ZNG1E: variants seen among roughly 807,000 people sequenced by gnomAD.
ZNG1E encodes the protein Zn regulated GTPase metalloprotein activator 1E, also known as zinc-regulated GTPase metalloprotein activator 1E.
At chr9:65,689,926 TA>T in the ZNG1E span, among the ~76,000 whole-genome samples, 2 of 139,740 alleles carry the variant, frequency 1.4e-5, no homozygotes, top group African/African-American at 2.6e-5. Flanking sequence ...CATGGTAAAG[TA>T]ATTTCCTTGA....
chr9:65,714,427 G>A, the ZNG1E span, among the ~76,000 whole-genome samples: 2 of 116,000 alleles, frequency 1.7e-5, no homozygotes, highest in African/African-American at 3.2e-5. Context: ...AGGAGGAGAG[G>A]CGCTGCGTTC....
the ZNG1E span, among the ~76,000 whole-genome samples, chr9:65,717,660 C>G: frequency 1.3e-5 from 2 of 149,308 alleles, no homozygotes; most frequent in African/African-American, 2.6e-5. Flanking sequence ...ACAAATGAAA[C>G]AATGCTGCAT....
At chr9:65,690,993 G>A in the ZNG1E span, 2 of 1,604,392 alleles carry the variant, frequency 1.2e-6, no homozygotes. Flanking sequence ...GTTTTGGGTT[G>A]ATGCTGAATT....
At chr9:65,709,489 C>T in the ZNG1E span, among the ~76,000 whole-genome samples, 1 of 120,122 alleles carries the variant, frequency 8.3e-6, no homozygotes, top group Non-Finnish European at 1.6e-5. Context: ...TCTCCCAATG[C>T]TATCCCTCCC....
the ZNG1E span, among the ~76,000 whole-genome samples, chr9:65,714,753 G>A: frequency 2.7e-3 from 411 of 151,202 alleles, 2 homozygotes; most frequent in East Asian, 0.018. Context: ...CAGTCTGCCC[G>A]TTCTCAGATC....
At chr9:65,659,467 C>T in the ZNG1E span, among the ~76,000 whole-genome samples, 1 of 148,670 alleles carries the variant, frequency 6.7e-6, no homozygotes. Context: ...TGCACTCCAT[C>T]CTGGGTGACA....
At chr9:65,660,543 A>G in the ZNG1E span, among the ~76,000 whole-genome samples, 3 of 152,266 alleles carry the variant, frequency 2.0e-5, no homozygotes, top group Non-Finnish European at 4.4e-5. Flanking sequence ...TGTATTCGGT[A>G]TTTATGTGTT....
At chr9:65,707,524 G>A in the ZNG1E span, 1 of 47,834 alleles carries the variant, frequency 2.1e-5, no homozygotes, top group Admixed American at 2.8e-4. Flanking sequence ...GGAGTAATAA[G>A]ATGGGAATTT....
At chr9:65,720,844 GAGC>G in the ZNG1E span, among the ~76,000 whole-genome samples, 1 of 147,306 alleles carries the variant, frequency 6.8e-6, no homozygotes, top group Non-Finnish European at 1.5e-5. Context: ...TCATATTTAT[GAGC>G]AGGTTTGCTA....
At chr9:65,664,330 C>T in the ZNG1E span, among the ~76,000 whole-genome samples, 6 of 149,102 alleles carry the variant, frequency 4.0e-5, no homozygotes, top group South Asian at 2.2e-4. Context: ...TGGGGGGACC[C>T]GGTGGGAGGT....
the ZNG1E span, among the ~76,000 whole-genome samples, chr9:65,661,759 A>C: frequency 6.6e-6 from 1 of 152,222 alleles, no homozygotes; most frequent in African/African-American, 2.4e-5. Context: ...GCCTAAGCTA[A>C]AGAGATTAAT....
chr9:65,668,559 C>A, the ZNG1E span, among the ~76,000 whole-genome samples: 1 of 149,694 alleles, frequency 6.7e-6, no homozygotes, highest in Non-Finnish European at 1.5e-5. Flanking sequence ...GAAACAAGGT[C>A]TTTCTCTCTC....
the ZNG1E span, chr9:65,719,965 T>C: frequency 1.3e-6 from 2 of 1,567,678 alleles, no homozygotes; most frequent in African/African-American, 2.9e-5. Context: ...GTCACTTCAT[T>C]ATCCTTGTGT....
At chr9:65,662,248 C>A in the ZNG1E span, among the ~76,000 whole-genome samples, 8 of 152,204 alleles carry the variant, frequency 5.3e-5, no homozygotes, top group Admixed American at 2.0e-4. Flanking sequence ...CTGACCAGTA[C>A]TCCTCAAGAG....
chr9:65,684,956 C>T, the ZNG1E span, among the ~76,000 whole-genome samples: 1 of 151,496 alleles, frequency 6.6e-6, no homozygotes, highest in Admixed American at 6.6e-5. Context: ...TTGGGAGGAT[C>T]ACTTGAGCTC....
chr9:65,711,410 G>C, the ZNG1E span, among the ~76,000 whole-genome samples: 1 of 130,858 alleles, frequency 7.6e-6, no homozygotes, highest in Non-Finnish European at 1.6e-5. Context: ...AGTGGTGAGA[G>C]AGGACATCCC....
At chr9:65,713,645 G>A in the ZNG1E span, among the ~76,000 whole-genome samples, 3 of 149,710 alleles carry the variant, frequency 2.0e-5, no homozygotes, top group Admixed American at 6.6e-5. Flanking sequence ...GAAATTCTGG[G>A]TTGAAAATTC....
the ZNG1E span, among the ~76,000 whole-genome samples, chr9:65,713,187 T>G: frequency 7.3e-6 from 1 of 136,946 alleles, no homozygotes; most frequent in Non-Finnish European, 1.6e-5. Flanking sequence ...CCCCTGCCTT[T>G]TTTTGTTTTC....
chr9:65,678,590 C>G, the ZNG1E span, among the ~76,000 whole-genome samples: 3 of 145,442 alleles, frequency 2.1e-5, no homozygotes, highest in Admixed American at 2.1e-4. Flanking sequence ...AACTACAATA[C>G]TATGCAGTTA....
Sources: allele counts gnomAD v4.1 joint callset (sites outside exome capture counted in the v4.1 genomes callset), GRCh38; gene constraint gnomAD v4.1.1; transcripts MANE v1.5; gene names NCBI Gene and HGNC (gene_info 2026-07-23, HGNC 2026-07-21).